The following CYLD variants were observed in gnomAD, a reference collection of about 807,000 sequenced individuals.
The protein encoded by CYLD is CYLD lysine 63 deubiquitinase.
Under a neutral mutation model 104.5 loss-of-function variants are expected in CYLD, and 26 were observed. That is an observed-to-expected ratio of 0.25 (90% confidence interval 0.18 to 0.35). The LOEUF is 0.35. CYLD is among the 10% of genes least tolerant of loss of function. CYLD has a pLI of 1.00. For missense variants in CYLD, 703 were observed against 1,136.1 expected, an observed-to-expected ratio of 0.62 and a Z score of 5.48; for synonymous variants, 385 against 399.9, an observed-to-expected ratio of 0.96 and a Z score of 0.45.
Position 50,796,304 on chromosome 16 carries a change from G to A in CYLD, c.2687-20G>A. ...TTAGAACTTGACTGCCCTATAAAGA[G>A]TTCTTCCTCTGTGCCATAGGTGGTC... On this transcript the variant is annotated intron_variant, in intron 18 of 18. Coordinates refer to ENST00000427738, the MANE Select transcript of CYLD (RefSeq NM_001378743.1). The A allele has an allele frequency of 6.2e-7, 1 of 1,613,578 alleles. No individual in the cohort carries two copies. The highest frequency in any genetic ancestry group is 8.5e-7 in the Non-Finnish European group (1 of 1,179,576).
intron 5 of CYLD, among the ~76,000 whole-genome samples, chr16:50,774,637 G>A (rs941876434): frequency 6.6e-6 from 1 of 152,238 alleles, no homozygotes; most frequent in Non-Finnish European, 1.5e-5. Context: ...GCAGGGAGTA[G>A]ACACAGTGTG....
At chr16:50,782,889 A>AT (rs1257361624) in intron 11 of CYLD, among the ~76,000 whole-genome samples, 1 of 144,224 alleles carries the variant, frequency 6.9e-6, no homozygotes, top group African/African-American at 2.6e-5. Context: ...CATATATGCA[A>AT]TTTTTTCCAA....
At chr16:50,780,834 CTT>C (rs59836901) in intron 9 of CYLD, among the ~76,000 whole-genome samples, 1 of 145,062 alleles carries the variant, frequency 6.9e-6, no homozygotes, top group African/African-American at 2.5e-5. Context: ...AAATATATTT[CTT>C]TTTTTTTTTT....
intron 5 of CYLD, among the ~76,000 whole-genome samples, chr16:50,767,723 C>A (rs539306839): frequency 6.6e-6 from 1 of 152,142 alleles, no homozygotes; most frequent in Admixed American, 6.5e-5. Flanking sequence ...GATTGTTTTT[C>A]TCAGTTGGCT....
chr16:50,749,188 G>A (rs1013684566), intron 2 of CYLD, among the ~76,000 whole-genome samples: 1 of 152,232 alleles, frequency 6.6e-6, no homozygotes. Context: ...GGCAACAAGA[G>A]TGAGACCCTG....
intron 5 of CYLD, among the ~76,000 whole-genome samples, chr16:50,754,936 T>C (rs1322621476): frequency 6.8e-6 from 1 of 147,948 alleles, no homozygotes; most frequent in Non-Finnish European, 1.5e-5. Context: ...TACACACATA[T>C]GTATATATAC....
chr16:50,750,576 CTTTT>C (rs1179045891), intron 3 of CYLD, among the ~76,000 whole-genome samples: 2 of 151,250 alleles, frequency 1.3e-5, no homozygotes, highest in Non-Finnish European at 3.0e-5. Context: ...GATTTAATTT[CTTTT>C]GTTTACTTTT....
chr16:50,772,791 G>A (rs1969294135), intron 5 of CYLD, among the ~76,000 whole-genome samples: 1 of 152,174 alleles, frequency 6.6e-6, no homozygotes, highest in Non-Finnish European at 1.5e-5. Context: ...GTCAATCGGA[G>A]TCACCATGAA....
intron 5 of CYLD, among the ~76,000 whole-genome samples, chr16:50,755,697 T>C (rs1409243944): frequency 6.6e-6 from 1 of 152,232 alleles, no homozygotes; most frequent in Non-Finnish European, 1.5e-5. Flanking sequence ...TGTCTAAAAG[T>C]GGGCTAATGT....
chr16:50,776,064 C>A, intron 6 of CYLD, 115 bp from the exon 7 acceptor site: 2 of 759,862 alleles, frequency 2.6e-6, no homozygotes, highest in Non-Finnish European at 4.6e-6. Flanking sequence ...ATTTGTAAAA[C>A]TAAAAATTCT....
chr16:50,793,790 ATGGTAT>A (rs1971675492), intron 17 of CYLD, 126 bp downstream of exon 17: 1 of 748,514 alleles, frequency 1.3e-6, no homozygotes, highest in Non-Finnish European at 2.4e-6. Flanking sequence ...TCACAATAAA[ATGGTAT>A]TGCTTTTGCC....
At chr16:50,752,898 G>C (rs1347351670) in intron 4 of CYLD, among the ~76,000 whole-genome samples, 1 of 152,258 alleles carries the variant, frequency 6.6e-6, no homozygotes, top group East Asian at 1.9e-4. Context: ...GAAAGGCTGA[G>C]ACCATTTTTA....
Position 50,777,844 on chromosome 16 carries a change from A to C in CYLD, c.1041A>C (p.Gly347=), listed in dbSNP as rs369452792. The C allele has an allele frequency of 6.3e-7, 1 of 1,599,006 alleles. No homozygotes were observed. The highest frequency in any genetic ancestry group is 1.3e-5 in the African/African-American group (1 of 74,726). The change falls in exon 8 of 19, where the codon GGA becomes GGC. Residue 347 remains glycine, a synonymous_variant. Coordinates refer to ENST00000427738, the MANE Select transcript of CYLD (RefSeq NM_001378743.1). The part of the protein sequence containing the change: ...PKATGSTSDP[G]NRNRSELFYT... ...CTATAGGATCTACCTCAGACCCTGGAAATAGAAACAGATCTGAATTATTTT... is the reference window on the plus strand; with the variant it reads ...CTATAGGATCTACCTCAGACCCTGGCAATAGAAACAGATCTGAATTATTTT...
Position 50,779,984 on chromosome 16 carries a change from G to T in CYLD, c.1458G>T (p.Gly486=). 6.2e-7 allele frequency: 1 copy of T among 1,614,114 alleles called. No homozygotes were observed. The highest frequency in any genetic ancestry group is 8.5e-7 in the Non-Finnish European group (1 of 1,179,980). ...TTAAGGAGAACCCTCCTTTCTATGG[G>T]GTAATCCGTTGGATCGGTCAGCCAC... ...AEVKENPPFY[G]VIRWIGQPPG... Residue 486 remains glycine (G), a synonymous_variant, in exon 9 of 19, where the codon GGG becomes GGT. Coordinates refer to ENST00000427738, the MANE Select transcript of CYLD (RefSeq NM_001378743.1).
chr16:50,762,334 T>G lies in CYLD; in HGVS notation c.913+7910T>G, dbSNP rs569836261. On this transcript the variant is annotated intron_variant, in intron 5 of 18. Coordinates refer to ENST00000427738, the MANE Select transcript of CYLD (RefSeq NM_001378743.1). The stretch of plus-strand genomic sequence containing the variant: ...TCTTGATAGTTTTGCGTTTTTACAT[T>G]TAAGTGTGTTATTCACTTAGATTTG... Among the ~76,000 whole-genome samples the G allele has an allele frequency of 2.6e-4, 39 of 152,344 alleles. No individual in the cohort carries two copies. The South Asian group carries it at 8.1e-3, about 32-fold the overall frequency.
In CYLD at chr16:50,775,923, A is replaced by C. The variant is rs996233481; in HGVS notation, c.923-256A>C. Among the ~76,000 whole-genome samples, 9 of 152,322 alleles carry C rather than the reference A, an allele frequency of 5.9e-5. No individual in the cohort carries two copies. The East Asian group carries it at 1.5e-3, about 26-fold the overall frequency. On this transcript the variant is annotated intron_variant, in intron 6 of 18. Transcript: ENST00000427738. ...GACTACAAGTGATTAAATTTTCAAG[A>C]GGTTAAAGCATTTAGCTGAATTGTA...
At position 50,787,736 on chromosome 16, in the gene CYLD, G is replaced by A. The variant is rs113872222; in HGVS notation, c.2042-50G>A. 2.8e-3 allele frequency: 2,778 copies of A among 987,982 alleles called. 55 individuals carry two copies. The African/African-American group carries it at 0.04, about 14-fold the overall frequency. The allele number at this position is 987,982 out of a possible 1,614,324, so 61.2% of individuals were successfully genotyped here. A position where few individuals can be genotyped will look rare whatever the true frequency, so the allele number is the denominator to read the frequency against. ...GACTGTTAGAAATGAAAAATAAAATGATTTAAAAATTTTGCCTGTGACTTA... is the reference window on the plus strand; with the variant it reads ...GACTGTTAGAAATGAAAAATAAAATAATTTAAAAATTTTGCCTGTGACTTA... On this transcript the variant is annotated intron_variant, in intron 13 of 18. Coordinates refer to ENST00000427738, the MANE Select transcript of CYLD (RefSeq NM_001378743.1).
chr16:50,768,346 G>T (rs1681718301), intron 5 of CYLD, among the ~76,000 whole-genome samples: 1 of 151,872 alleles, frequency 6.6e-6, no homozygotes, highest in Non-Finnish European at 1.5e-5. Context: ...CTCTTTTCTT[G>T]AGGGGAAAAA....
Position 50,797,516 on chromosome 16 carries a change from A to T in CYLD, c.*1008A>T, listed in dbSNP as rs1423370802. ...TGATAGAATCAGATATGTTATCGAA[A>T]TGTTAGCAGCAGCTTCATCCTCCTT... On this transcript the variant is annotated 3_prime_UTR_variant, in exon 19 of 19. Coordinates refer to ENST00000427738, the MANE Select transcript of CYLD (RefSeq NM_001378743.1). 4.3e-6 allele frequency: 1 copy of T among 232,436 alleles called. No individual in the cohort carries two copies. The highest frequency in any genetic ancestry group is 8.5e-6 in the Non-Finnish European group (1 of 117,558). The allele number at this position is 232,436 out of a possible 1,614,324, so 14.4% of individuals were successfully genotyped here. A position where few individuals can be genotyped will look rare whatever the true frequency, so the allele number is the denominator to read the frequency against.
Sources: gnomAD v4.1 joint callset for allele counts (sites outside exome capture counted in the v4.1 genomes callset) on GRCh38, gnomAD v4.1.1 for gene constraint, MANE v1.5 for transcripts, NCBI Gene and HGNC (gene_info 2026-07-23, HGNC 2026-07-21) for gene names.